ILDR1: variants seen among roughly 807,000 people sequenced by gnomAD.
ILDR1 encodes the protein immunoglobulin like domain containing receptor 1.
A neutral mutation model predicts 62.4 loss-of-function variants in ILDR1; 56 were observed. That is an observed-to-expected ratio of 0.90 (90% confidence interval 0.72 to 1.12). ILDR1 has a LOEUF of 1.12. ILDR1 is among the 50% of genes most tolerant of loss of function. The pLI, the probability that ILDR1 is intolerant of heterozygous loss-of-function variation, is 0.00. For synonymous variants in ILDR1, 284 were observed against 277.8 expected, an observed-to-expected ratio of 1.02 and a Z score of -0.22; for missense variants, 736 against 710.6, an observed-to-expected ratio of 1.04 and a Z score of -0.41.
chr3:122,053,243 CA>C, the ILDR1 span, among the ~76,000 whole-genome samples: 1 of 152,120 alleles, frequency 6.6e-6, no homozygotes, highest in Admixed American at 6.5e-5. Flanking sequence ...TGATATTGGC[CA>C]TTTCTATATC....
At chr3:122,041,577 T>C in the ILDR1 span, among the ~76,000 whole-genome samples, 1 of 152,214 alleles carries the variant, frequency 6.6e-6, no homozygotes, top group Non-Finnish European at 1.5e-5. Flanking sequence ...TCTTCTTAAT[T>C]TCTTTCATTG....
chr3:122,035,312 G>A, the ILDR1 span, among the ~76,000 whole-genome samples: 2 of 152,162 alleles, frequency 1.3e-5, no homozygotes, highest in Non-Finnish European at 2.9e-5. Flanking sequence ...ACTAGAGCTA[G>A]AGGAGGGCTT....
At chr3:122,027,944 A>G in the ILDR1 span, among the ~76,000 whole-genome samples, 1 of 152,176 alleles carries the variant, frequency 6.6e-6, no homozygotes, top group Admixed American at 6.5e-5. Flanking sequence ...CATGGGGCTG[A>G]ACCCTTAATC....
At chr3:122,014,600 C>T (rs1414327209) in intron 1 of ILDR1, among the ~76,000 whole-genome samples, 5 of 152,230 alleles carry the variant, frequency 3.3e-5, no homozygotes, top group South Asian at 2.1e-4. Flanking sequence ...TCTTCACATG[C>T]GTTCTTTTAT....
the ILDR1 span, among the ~76,000 whole-genome samples, chr3:122,051,379 C>T: frequency 6.6e-6 from 1 of 151,928 alleles, no homozygotes; most frequent in Admixed American, 6.6e-5. Context: ...AATTGAATTG[C>T]TGATTATTTC....
the ILDR1 span, among the ~76,000 whole-genome samples, chr3:122,038,282 G>A: frequency 1.1e-4 from 16 of 152,170 alleles, no homozygotes; most frequent in African/African-American, 3.9e-4. Context: ...GTGGAGCAGT[G>A]TGAAGGGAAG....
chr3:122,047,842 C>T, the ILDR1 span, among the ~76,000 whole-genome samples: 3 of 152,240 alleles, frequency 2.0e-5, no homozygotes, highest in African/African-American at 2.4e-5. Context: ...AAACCCGGTA[C>T]CTCGGATGGA....
chr3:122,030,618 G>A, the ILDR1 span, among the ~76,000 whole-genome samples: 2 of 108,934 alleles, frequency 1.8e-5, no homozygotes, highest in Non-Finnish European at 3.8e-5. Context: ...AAGAGGCAAG[G>A]GTTTTTCTCT....
the ILDR1 span, among the ~76,000 whole-genome samples, chr3:122,029,307 G>A: frequency 6.6e-6 from 1 of 151,976 alleles, no homozygotes; most frequent in Non-Finnish European, 1.5e-5. Flanking sequence ...AGGAGTTCAT[G>A]AACGGCCTGG....
At chr3:122,034,866 CT>C in the ILDR1 span, among the ~76,000 whole-genome samples, 34 of 152,262 alleles carry the variant, frequency 2.2e-4, no homozygotes, top group Admixed American at 1.4e-3. Flanking sequence ...GGGAACACCC[CT>C]TTTTGAAACC....
chr3:122,023,796 AGC>A (rs2071897991), upstream of ILDR1, among the ~76,000 whole-genome samples: 1 of 152,056 alleles, frequency 6.6e-6, no homozygotes, highest in African/African-American at 2.4e-5. Flanking sequence ...GCACAGCAGC[AGC>A]AGCAGCAGCA....
chr3:122,012,994 C>G (rs1559881629), intron 1 of ILDR1, among the ~76,000 whole-genome samples: 1 of 152,150 alleles, frequency 6.6e-6, no homozygotes, highest in East Asian at 1.9e-4. Context: ...GATGAGATAT[C>G]AGAGCTCATG....
At chr3:122,014,624 A>G (rs916110156) in intron 1 of ILDR1, among the ~76,000 whole-genome samples, 4 of 152,366 alleles carry the variant, frequency 2.6e-5, no homozygotes, top group Middle Eastern at 3.4e-3. Flanking sequence ...AGTAGAATAT[A>G]TATCTCAAAG....
the ILDR1 span, among the ~76,000 whole-genome samples, chr3:122,046,867 T>C: frequency 1.9e-4 from 28 of 144,992 alleles, no homozygotes; most frequent in Non-Finnish European, 3.5e-4. Context: ...GGTTTGAATG[T>C]CCTCCCATAG....
At chr3:122,007,968 GCTAA>G (rs1222771884) in intron 1 of ILDR1, among the ~76,000 whole-genome samples, 1 of 152,186 alleles carries the variant, frequency 6.6e-6, no homozygotes, top group Non-Finnish European at 1.5e-5. Flanking sequence ...TTGATGGTCT[GCTAA>G]CTGTGGGCTC....
chr3:121,999,970 A>G (rs568129384), intron 5 of ILDR1, among the ~76,000 whole-genome samples: 34 of 152,134 alleles, frequency 2.2e-4, no homozygotes, highest in Non-Finnish European at 4.0e-4. Context: ...TTTCACAAGT[A>G]TATAATCATT....
the ILDR1 span, among the ~76,000 whole-genome samples, chr3:122,037,197 T>C: frequency 0.033 from 4,999 of 152,304 alleles, 258 homozygotes; most frequent in African/African-American, 0.11. Context: ...ACTAGGGCAC[T>C]GCCTCATGGA....
At chr3:122,010,546 A>G (rs1365950782) in intron 1 of ILDR1, among the ~76,000 whole-genome samples, 2 of 152,128 alleles carry the variant, frequency 1.3e-5, no homozygotes, top group Admixed American at 1.3e-4. Context: ...CAAGCCTAAC[A>G]TGGCTTTCTT....
chr3:122,060,571 C>T, the ILDR1 span, among the ~76,000 whole-genome samples: 2 of 151,592 alleles, frequency 1.3e-5, no homozygotes, highest in African/African-American at 2.4e-5. Context: ...TGGCTTGAGG[C>T]GAGGAGTTCC....
Sources: gnomAD v4.1 joint callset for allele counts (sites outside exome capture counted in the v4.1 genomes callset) on GRCh38, gnomAD v4.1.1 for gene constraint, MANE v1.5 for transcripts, NCBI Gene and HGNC (gene_info 2026-07-23, HGNC 2026-07-21) for gene names.